GSN: variants seen among roughly 807,000 people sequenced by gnomAD.
The protein encoded by GSN is gelsolin.
In GSN, 56 loss-of-function variants were observed where a neutral mutation model predicts 85.7. That is an observed-to-expected ratio of 0.65 (90% CI 0.53 to 0.82). The LOEUF (loss-of-function observed/expected upper bound fraction) is 0.82, where lower values mean the gene tolerates loss of function less well. GSN is among the 40% of genes least tolerant of loss of function. The pLI is 0.00. For missense variants in GSN, 857 were observed against 979.8 expected, an observed-to-expected ratio of 0.87 and a Z score of 1.67; for synonymous variants, 373 against 399.1, an observed-to-expected ratio of 0.93 and a Z score of 0.78.
At chr9:121,302,454 C>G (rs2059988014) in intron 3 of GSN, among the ~76,000 whole-genome samples, 1 of 152,080 alleles carries the variant, frequency 6.6e-6, no homozygotes, top group Non-Finnish European at 1.5e-5. Context: ...CGTTAAACAC[C>G]TTACTGTGAC....
chr9:121,214,231 TTC>T (rs1379759236), intron 4 of GSN, among the ~76,000 whole-genome samples: 1 of 151,912 alleles, frequency 6.6e-6, no homozygotes, highest in Non-Finnish European at 1.5e-5. Context: ...TCTTTCTTCC[TTC>T]TTTCTCCTTC....
intron 1 of GSN, chr9:121,207,921 A>ATGTGTG (rs1491462318): frequency 0.02 from 1,187 of 59,300 alleles, 22 homozygotes; most frequent in African/African-American, 0.051. Context: ...CATCTGGCTA[A>ATGTGTG]TATGTGTGTG....
chr9:121,202,190 G>A, the GSN span, among the ~76,000 whole-genome samples: 1 of 152,270 alleles, frequency 6.6e-6, no homozygotes, highest in Non-Finnish European at 1.5e-5. Flanking sequence ...GAGAACTAGG[G>A]TTGTCGCTCG....
At chr9:121,330,860 ATGTT>A (rs1384629461) in intron 16 of GSN, among the ~76,000 whole-genome samples, 1 of 152,214 alleles carries the variant, frequency 6.6e-6, no homozygotes, top group Non-Finnish European at 1.5e-5. Context: ...GGGTGAGAAT[ATGTT>A]TGGCCACTCA....
chr9:121,327,232 G>A (rs570705938), intron 13 of GSN, 76 bp from the exon 14 acceptor site: 10 of 1,161,430 alleles, frequency 8.6e-6, no homozygotes, highest in African/African-American at 3.0e-5. Flanking sequence ...GTCCTGCTGC[G>A]GGGTCTCCTG....
chr9:121,235,016 G>A (rs1017400081), intron 5 of GSN, among the ~76,000 whole-genome samples: 2 of 152,300 alleles, frequency 1.3e-5, no homozygotes, highest in Admixed American at 1.3e-4. Flanking sequence ...GCAGAGGAAA[G>A]GCTGCAGACC....
intron 4 of GSN, among the ~76,000 whole-genome samples, chr9:121,225,324 C>T (rs1254058193): frequency 1.3e-5 from 2 of 152,042 alleles, no homozygotes; most frequent in African/African-American, 2.4e-5. Flanking sequence ...GAGAATTCAC[C>T]CCAGATCCCA....
chr9:121,295,574 G>C (rs1455551964), intron 2 of GSN, among the ~76,000 whole-genome samples: 1 of 152,154 alleles, frequency 6.6e-6, no homozygotes, highest in Non-Finnish European at 1.5e-5. Context: ...TGGAAGGGGC[G>C]GGGGAGGCCA....
chr9:121,324,055 TA>T (rs2062841391), intron 11 of GSN, among the ~76,000 whole-genome samples: 1 of 152,220 alleles, frequency 6.6e-6, no homozygotes, highest in Non-Finnish European at 1.5e-5. Context: ...AAAATCCCCC[TA>T]AATCTTCCCT....
chr9:121,206,212 T>A (rs1187081171), upstream of GSN, among the ~76,000 whole-genome samples: 1 of 152,124 alleles, frequency 6.6e-6, no homozygotes, highest in East Asian at 1.9e-4. Context: ...GATACATAAT[T>A]TAATTAAAAA....
chr9:121,203,570 C>G (rs1363400276), upstream of GSN: 1 of 152,392 alleles, frequency 6.6e-6, no homozygotes, highest in African/African-American at 2.4e-5. Flanking sequence ...CAATCTTTCT[C>G]TTAGCGTTCA....
upstream of GSN, among the ~76,000 whole-genome samples, chr9:121,263,888 CAAAAAAAAA>C (rs34342246): frequency 2.8e-5 from 2 of 70,550 alleles, no homozygotes; most frequent in South Asian, 5.7e-4. Context: ...AACTCCATCT[CAAAAAAAAA>C]AAAAAAAAAA....
upstream of GSN, among the ~76,000 whole-genome samples, chr9:121,205,017 C>G (rs1464747858): frequency 6.6e-6 from 1 of 152,200 alleles, no homozygotes; most frequent in Non-Finnish European, 1.5e-5. Context: ...GAAGCCCAAA[C>G]TTGAAAATAA....
At chr9:121,324,760 T>C in intron 12 of GSN, 116 bp downstream of exon 12, 1 of 649,432 alleles carries the variant, frequency 1.5e-6, no homozygotes, top group Non-Finnish European at 2.8e-6. Context: ...TGTCCATCCA[T>C]CCATCCATCC....
intron 1 of GSN, among the ~76,000 whole-genome samples, chr9:121,270,717 G>C (rs1268337247): frequency 6.6e-6 from 1 of 152,146 alleles, no homozygotes; most frequent in South Asian, 2.1e-4. Flanking sequence ...CACGTTGATT[G>C]GATGCCTTCA....
intron 6 of GSN, among the ~76,000 whole-genome samples, chr9:121,253,584 G>A (rs890841555): frequency 1.3e-5 from 2 of 152,196 alleles, no homozygotes; most frequent in African/African-American, 4.8e-5. Context: ...TGGTATGAGT[G>A]GGCATCTCTC....
Position 121,317,146 on chromosome 9 carries a change from C to A in GSN, c.814C>A (p.Gln272Lys). Reference protein sequence around the residue: ...SLVADENPFAQGALKSEDCFI... With the variant: ...SLVADENPFAKGALKSEDCFI... ...CGTGGCTGATGAGAACCCCTTCGCCCAGGGGGCCCTGAAGTCAGAGGACTG... is the reference window on the plus strand; with the variant it reads ...CGTGGCTGATGAGAACCCCTTCGCCAAGGGGGCCCTGAAGTCAGAGGACTG... Residue 272 changes from glutamine to lysine, a missense_variant, in exon 8 of 18, where the codon CAG becomes AAG. Physicochemically the swap from Gln to Lys is moderately conservative, Grantham distance 53 (BLOSUM62 1). Transcript: ENST00000432226. 6.2e-7 allele frequency: 1 copy of A among 1,614,166 alleles called. No homozygotes were observed. Among genetic ancestry groups the A allele is most frequent in the Non-Finnish European group, 8.5e-7 (1 of 1,179,984 alleles).
At chr9:121,289,660 G>T (rs1023644443) in intron 2 of GSN, among the ~76,000 whole-genome samples, 5 of 152,150 alleles carry the variant, frequency 3.3e-5, no homozygotes, top group African/African-American at 7.2e-5. Context: ...CCAGTAGCCC[G>T]GTGAGGAGAC....
rs1335798697 is a variant in GSN, at chr9:121,286,213, C to G, written c.-10+4651C>G. On this transcript the variant is annotated intron_variant, in intron 2 of 17. Transcript: ENST00000432226. ...GAGTAGCACGGGATCTGGGGTGGTC[C>G]CCGAAGCCAGCTCAGAGGAGGGACG... The G allele has an allele frequency of 7.6e-6, 11 of 1,446,850 alleles. No homozygotes were observed. The Admixed American group carries it at 2.2e-4, about 29-fold the overall frequency. The allele number at this position is 1,446,850 out of a possible 1,614,324, so 89.6% of individuals were successfully genotyped here.
Sources: gnomAD v4.1 joint callset for allele counts (sites outside exome capture counted in the v4.1 genomes callset) on GRCh38, gnomAD v4.1.1 for gene constraint, MANE v1.5 for transcripts, NCBI Gene and HGNC (gene_info 2026-07-23, HGNC 2026-07-21) for gene names.